Variants in SNURF observed in about 807,000 individuals in gnomAD.
SNURF encodes the protein SNRPN upstream open reading frame, also known as SNURF protein.
In SNURF, 6 loss-of-function variants were observed where a neutral mutation model predicts 11.6. The ratio of observed to expected loss-of-function variants is 0.52; its 90% CI spans 0.28 to 1.02. The LOEUF is 1.02. Ranked by LOEUF, SNURF falls within the 50% of genes least tolerant of loss-of-function variation. The pLI is 0.09. For synonymous variants in SNURF, 29 were observed against 31.6 expected, an observed-to-expected ratio of 0.92 and a Z score of 0.27; for missense variants, 84 against 88.4, an observed-to-expected ratio of 0.95 and a Z score of 0.20.
chr15:24,955,702 G>A (rs1452893694), intron 1 of SNURF, among the ~76,000 whole-genome samples: 2 of 150,700 alleles, frequency 1.3e-5, no homozygotes, highest in African/African-American at 4.9e-5. Flanking sequence ...GTTGGTGGTC[G>A]CGGCGCGGGG....
chr15:24,960,260 A>G (rs2074551926), intron 1 of SNURF, among the ~76,000 whole-genome samples: 4 of 152,144 alleles, frequency 2.6e-5, no homozygotes, highest in Admixed American at 2.6e-4. Context: ...GGCAAAGTCT[A>G]TATATAACAC....
downstream of SNURF, among the ~76,000 whole-genome samples, chr15:24,971,710 A>G (rs1375736626): frequency 3.9e-5 from 6 of 152,186 alleles, no homozygotes; most frequent in Admixed American, 1.3e-4. Flanking sequence ...TTTTCACAAA[A>G]AAATTCCAAC....
chr15:24,958,486 GTTTTTTTTTTTTTT>G lies in SNURF; in HGVS notation c.14+3445_14+3458del, dbSNP rs71127030. ...ATTTCTGGATGCTAGCTGGCTCAAA[GTTTTTTTTTTTTTT>G]TTTTTTTTTTTTTTTTTTTTAAATA... On this transcript the variant is annotated intron_variant, in intron 1 of 2. Coordinates refer to ENST00000577949, the Ensembl canonical transcript of SNURF. Among the ~76,000 whole-genome samples the G allele has an allele frequency of 8.3e-4, 54 of 65,300 alleles. 2 individuals are homozygous for G. The South Asian group carries it at 0.027, about 33-fold the overall frequency. The allele number at this position is 65,300 out of a possible 152,430, so 42.8% of individuals were successfully genotyped here.
intron 1 of SNURF, among the ~76,000 whole-genome samples, chr15:24,960,728 CCCTTT>C (rs2074645105): frequency 6.6e-6 from 1 of 152,062 alleles, no homozygotes; most frequent in Non-Finnish European, 1.5e-5. Context: ...ATAGAATTTG[CCCTTT>C]TATTGTTGAG....
intron 3 of SNURF, chr15:24,974,900 T>G (rs1434545625): frequency 5.7e-6 from 4 of 701,700 alleles, no homozygotes; most frequent in Admixed American, 2.0e-5. Context: ...AATACAGGAG[T>G]TTTTGGTCAT....
intron 2 of SNURF, among the ~76,000 whole-genome samples, chr15:24,966,105 T>A (rs748235136): frequency 4.6e-5 from 7 of 152,110 alleles, no homozygotes; most frequent in Non-Finnish European, 1.0e-4. Context: ...GTTGTCTAGA[T>A]GCCCTCCAGA....
intron 2 of SNURF, among the ~76,000 whole-genome samples, chr15:24,966,354 C>T (rs1245508849): frequency 2.0e-5 from 3 of 152,190 alleles, no homozygotes; most frequent in Admixed American, 2.0e-4. Flanking sequence ...CACAAATCTT[C>T]CCTGTCCTCA....
At chr15:24,965,406 G>A (rs1464590409) in intron 2 of SNURF, among the ~76,000 whole-genome samples, 1 of 152,112 alleles carries the variant, frequency 6.6e-6, no homozygotes, top group Non-Finnish European at 1.5e-5. Context: ...GTGTGGTAGT[G>A]TGCACCTGTA....
chr15:24,960,881 T>C (rs1170770928), intron 1 of SNURF, among the ~76,000 whole-genome samples: 1 of 152,208 alleles, frequency 6.6e-6, no homozygotes, highest in Non-Finnish European at 1.5e-5. Context: ...TTTGAAATCA[T>C]TCTTATCAAA....
At chr15:24,977,444 G>A (rs932211703) in intron 6 of SNURF, among the ~76,000 whole-genome samples, 4 of 152,122 alleles carry the variant, frequency 2.6e-5, no homozygotes, top group Non-Finnish European at 5.9e-5. Context: ...TTCGACACCA[G>A]CCCGGCCCAC....
chr15:24,977,152 C>A, intron 6 of SNURF: 1 of 684,472 alleles, frequency 1.5e-6, no homozygotes, highest in Non-Finnish European at 2.2e-6. Flanking sequence ...TAGGAGGAAC[C>A]AAAACACAGA....
At chr15:24,974,931 A>G in intron 3 of SNURF, 2 of 702,966 alleles carry the variant, frequency 2.8e-6, no homozygotes, top group Non-Finnish European at 5.2e-6. Flanking sequence ...GTGGTGAAGG[A>G]CTGTCCTGCA....
chr15:24,957,242 T>C (rs2063084136), intron 1 of SNURF, among the ~76,000 whole-genome samples: 1 of 152,204 alleles, frequency 6.6e-6, no homozygotes, highest in Non-Finnish European at 1.5e-5. Context: ...TCGTGATGGC[T>C]CTTCCCGACT....
At chr15:24,964,280 G>A (rs566647516) in intron 2 of SNURF, among the ~76,000 whole-genome samples, 2 of 151,924 alleles carry the variant, frequency 1.3e-5, no homozygotes, top group South Asian at 2.1e-4. Context: ...TAGGTTATTC[G>A]ATCATTCATT....
chr15:24,975,685 A>G (rs911906993), intron 4 of SNURF, among the ~76,000 whole-genome samples: 4 of 151,934 alleles, frequency 2.6e-5, no homozygotes, highest in Non-Finnish European at 4.4e-5. Context: ...CTGCATCTGA[A>G]CTCTTTTAAG....
downstream of SNURF, chr15:24,978,484 T>G: frequency 6.3e-7 from 1 of 1,574,848 alleles, no homozygotes; most frequent in Non-Finnish European, 8.7e-7. Flanking sequence ...TCCCCTGCAA[T>G]GCGTCTTGTG....
Position 24,956,738 on chromosome 15 carries a change from T to C in SNURF, c.14+1676T>C, listed in dbSNP as rs189347615. 1.9e-3 allele frequency among the ~76,000 whole-genome samples: 288 copies of C among 152,292 alleles called. 1 individual carries two copies. Among genetic ancestry groups the C allele is most frequent in the African/African-American group, 6.4e-3 (267 of 41,572 alleles). ...GAGATGGGTTGGCGCAGGCTCCGCC[T>C]AGCAAGCTTGGCAGCCACCCCTTAC... On this transcript the variant is annotated intron_variant, in intron 1 of 2. Transcript: ENST00000577949.
chr15:24,977,483 T>TA (rs1449722932), intron 6 of SNURF, among the ~76,000 whole-genome samples: 2 of 151,966 alleles, frequency 1.3e-5, no homozygotes, highest in Non-Finnish European at 2.9e-5. Context: ...CTACTAAAAA[T>TA]ACAAAAATCA....
chr15:24,978,329 G>C, downstream of SNURF: 1 of 1,614,066 alleles, frequency 6.2e-7, no homozygotes, highest in Non-Finnish European at 8.5e-7. Context: ...GTGAGTGGGA[G>C]CATAGGGGTT....
Sources: gnomAD v4.1 joint callset for allele counts (sites outside exome capture counted in the v4.1 genomes callset) on GRCh38, gnomAD v4.1.1 for gene constraint, MANE v1.5 for transcripts, NCBI Gene and HGNC (gene_info 2026-07-23, HGNC 2026-07-21) for gene names.